SF3B1: variants seen among roughly 807,000 people sequenced by gnomAD.
SF3B1 encodes splicing factor 3b subunit 1, also known as pre-mRNA processing 10.
Under a neutral mutation model 153.8 loss-of-function variants are expected in SF3B1, and 12 were observed. The ratio of observed to expected loss-of-function variants is 0.08; its 90% CI spans 0.05 to 0.13. The LOEUF is 0.13. Among genes scored for constraint, SF3B1 ranks in the 10% least tolerant of loss-of-function variants. The pLI, the probability that SF3B1 is intolerant of heterozygous loss-of-function variation, is 1.00. For synonymous variants in SF3B1, 498 were observed against 525.2 expected, an observed-to-expected ratio of 0.95 and a Z score of 0.71; for missense variants, 513 against 1,606.1, an observed-to-expected ratio of 0.32 and a Z score of 11.63.
rs1430045193 is a variant in SF3B1 at position 197,402,266 on chromosome 2, C to G, written c.2078-136G>C. 1.0e-6 allele frequency: 1 copy of G among 1,001,830 alleles called. No homozygotes were observed. The highest frequency in any genetic ancestry group is 1.8e-5 in the South Asian group (1 of 55,364). 62.1% of individuals were successfully genotyped at this position (1,001,830 alleles called of 1,614,324 possible). Reference sequence around the variant, plus strand: ...CACATTAAACAAAATTAGGTAAAAGCAAAACATGAACCATAGCCTGTCAGC... The same window carrying G: ...CACATTAAACAAAATTAGGTAAAAGGAAAACATGAACCATAGCCTGTCAGC... On this transcript the variant is annotated intron_variant, in intron 14 of 24. Transcript: ENST00000335508. This position sits in a 1 kb window ranked among gnomAD's most constrained non-coding sequence, Gnocchi z 4.6.
At chr2:197,416,145 AAGGT>A (rs1034201308) in intron 6 of SF3B1, among the ~76,000 whole-genome samples, 1 of 152,038 alleles carries the variant, frequency 6.6e-6, no homozygotes, top group African/African-American at 2.4e-5. Context: ...AAAAAAAAAA[AAGGT>A]AGGAGAGTAG....
intron 1 of SF3B1, among the ~76,000 whole-genome samples, chr2:197,432,012 C>T (rs1022682150): frequency 6.6e-6 from 1 of 152,048 alleles, no homozygotes; most frequent in African/African-American, 2.4e-5. Context: ...GTAGTTGTAG[C>T]TACTCAGGAG....
At position 197,397,967 on chromosome 2, in the gene SF3B1, G is replaced by A; in HGVS notation, c.3266+18C>T. ...ATTATAAAGTAATTTTTTTTTAATG[G>A]AAGTAAATAACACTCACCCAATGGC... is the stretch of plus-strand genomic sequence containing the variant. On this transcript the variant is annotated intron_variant, in intron 22 of 24. Coordinates refer to ENST00000335508, the MANE Select transcript of SF3B1 (RefSeq NM_012433.4). 6.3e-7 allele frequency: 1 copy of A among 1,575,360 alleles called. No homozygotes were observed. The highest frequency in any genetic ancestry group is 2.2e-5 in the East Asian group (1 of 44,514).
At chr2:197,411,650 C>T (rs1447341405) in intron 6 of SF3B1, among the ~76,000 whole-genome samples, 3 of 147,938 alleles carry the variant, frequency 2.0e-5, no homozygotes, top group Non-Finnish European at 3.0e-5. Context: ...CCAGGCTGAG[C>T]GACAGAGTGA....
intron 6 of SF3B1, among the ~76,000 whole-genome samples, chr2:197,411,785 A>G (rs764364327): frequency 2.0e-5 from 3 of 151,874 alleles, no homozygotes; most frequent in East Asian, 1.9e-4. Flanking sequence ...TTAAGACTCA[A>G]TAGTTTTTCC....
At chr2:197,416,516 G>A (rs2085150866) in intron 6 of SF3B1, 9 of 433,536 alleles carry the variant, frequency 2.1e-5, no homozygotes, top group Non-Finnish European at 2.9e-5. Flanking sequence ...TGCTGGCACA[G>A]AGAAAGGCCA....
intron 20 of SF3B1, 101 bp downstream of exon 20, chr2:197,399,943 TAAAAAGCTAAC>T: frequency 1.4e-6 from 1 of 721,468 alleles, no homozygotes; most frequent in Non-Finnish European, 2.3e-6. Context: ...GAAGTGCTTT[TAAAAAGCTAAC>T]AAAAACCTCC....
chr2:197,404,862 G>GA (rs1216195052), intron 11 of SF3B1: 2 of 411,414 alleles, frequency 4.9e-6, no homozygotes, highest in Non-Finnish European at 9.0e-6. Context: ...ATTTCCTGGT[G>GA]AAAAAATTAA....
Position 197,416,889 on chromosome 2 carries a change from G to A in SF3B1, c.518C>T (p.Ala173Val), listed in dbSNP as rs1325592082. ...TAGTTCTCCAGCTTTAGCTTTTTCT[G>A]CTAGCTGTTGCCTAATTTCTCGCTG... Reference protein sequence around the residue: ...KEEREIRQQLAEKAKAGELKV... With the variant: ...KEEREIRQQLVEKAKAGELKV... Residue 173 changes from alanine (A) to valine (V), a missense_variant, in exon 6 of 25, where the codon GCA becomes GTA. This residue lies in a region of SF3B1 where 45 missense variants were observed against 65.5 expected (regional missense o/e 0.69). Transcript: ENST00000335508. 4.3e-6 allele frequency: 7 copies of A among 1,612,246 alleles called. No individual in the cohort carries two copies. The highest frequency in any genetic ancestry group is 5.9e-6 in the Non-Finnish European group (7 of 1,179,238).
At chr2:197,427,855 C>G (rs1182883553) in intron 1 of SF3B1, among the ~76,000 whole-genome samples, 1 of 152,022 alleles carries the variant, frequency 6.6e-6, no homozygotes, top group Non-Finnish European at 1.5e-5. Context: ...CCCATCTCTA[C>G]TAAAAATATA....
chr2:197,421,203 A>G, intron 2 of SF3B1, 70 bp from the exon 3 acceptor site: 1 of 992,612 alleles, frequency 1.0e-6, no homozygotes, highest in South Asian at 1.3e-5. Context: ...GAATATGCAA[A>G]GATTCAAAAT....
At chr2:197,404,276 T>C (rs1353552948) in intron 11 of SF3B1, among the ~76,000 whole-genome samples, 1 of 151,970 alleles carries the variant, frequency 6.6e-6, no homozygotes, top group Non-Finnish European at 1.5e-5. Flanking sequence ...CCAGGAGTAT[T>C]TAAATAATAA....
chr2:197,412,096 A>AGACTCTG (rs1374569330), intron 6 of SF3B1, among the ~76,000 whole-genome samples: 6 of 141,380 alleles, frequency 4.2e-5, no homozygotes, highest in African/African-American at 1.6e-4. Flanking sequence ...GGTGAGAGTG[A>AGACTCTG]GACTCTGTCT....
chr2:197,411,914 G>C (rs2105998755), intron 6 of SF3B1, among the ~76,000 whole-genome samples: 1 of 152,010 alleles, frequency 6.6e-6, no homozygotes, highest in African/African-American at 2.4e-5. Context: ...TGGCCAACAT[G>C]GCAAAAGCCC....
Position 197,420,486 on chromosome 2 carries a change from G to A in SF3B1, c.357C>T (p.Tyr119=), listed in dbSNP as rs1164926578. ...PPKIADREDE[Y]KKHRRTMIIS... is the part of the protein sequence containing the mutation. Reference sequence around the variant, plus strand: ...TTATCATGGTCCGCCTATGCTTTTTGTATTCATCTTCCCGGTCTGCAATCT... The same window carrying A: ...TTATCATGGTCCGCCTATGCTTTTTATATTCATCTTCCCGGTCTGCAATCT... Residue 119 remains tyrosine (Y), a synonymous_variant, in exon 4 of 25, where the codon TAC becomes TAT. Transcript: ENST00000335508. 8 of 1,613,218 alleles carry A rather than the reference G, an allele frequency of 5.0e-6. No homozygotes were observed. The highest frequency in any genetic ancestry group is 2.2e-5 in the South Asian group (2 of 91,006).
Position 197,410,012 on chromosome 2 carries a change from A to G in SF3B1, c.667-5T>C. On this transcript the variant is annotated splice_region_variant and splice_polypyrimidine_tract_variant and intron_variant, in intron 6 of 24. Transcript: ENST00000335508. ...GGAAGGAGTATGCCCAGGGGTCTTA[A>G]AAAAGCAAAAAAATTTTATTTCACA... is the stretch of plus-strand genomic sequence containing the variant. 6.3e-7 allele frequency: 1 copy of G among 1,578,516 alleles called. No individual in the cohort carries two copies. The highest frequency in any genetic ancestry group is 8.6e-7 in the Non-Finnish European group (1 of 1,159,390).
At chr2:197,416,702 ATTT>A in intron 6 of SF3B1, 36 bp downstream of exon 6, 1 of 1,583,164 alleles carries the variant, frequency 6.3e-7, no homozygotes, top group South Asian at 1.2e-5. Flanking sequence ...ACAGAAAAAA[ATTT>A]TTTAACAGTA....
intron 4 of SF3B1, 115 bp from the exon 5 acceptor site, chr2:197,418,703 T>C (rs2085193775): frequency 2.1e-6 from 3 of 1,453,742 alleles, no homozygotes; most frequent in Non-Finnish European, 2.7e-6. Context: ...ATTTAAATTA[T>C]TTTTTGATGG....
intron 24 of SF3B1, 43 bp downstream of exon 24, chr2:197,392,929 A>T (rs1322705859): frequency 2.6e-5 from 22 of 848,762 alleles, no homozygotes; most frequent in Middle Eastern, 2.6e-4. Context: ...AGTATTATTT[A>T]AAAAAAAAAA....
Sources: gnomAD v4.1 joint callset for allele counts (sites outside exome capture counted in the v4.1 genomes callset) on GRCh38, gnomAD v4.1.1 for gene constraint, gnomAD v4.1.1 regional missense constraint, Gnocchi (gnomAD v3.1) non-coding constraint, MANE v1.5 for transcripts, NCBI Gene and HGNC (gene_info 2026-07-23, HGNC 2026-07-21) for gene names.